Variants in MTHFD1 observed in about 807,000 individuals in gnomAD.
MTHFD1 encodes the protein C-1-tetrahydrofolate synthase, cytoplasmic.
In MTHFD1, 44 loss-of-function variants were observed where a neutral mutation model predicts 110.3. The ratio of observed to expected loss-of-function variants is 0.40; its 90% CI spans 0.31 to 0.51. The LOEUF (loss-of-function observed/expected upper bound fraction) is 0.51, where lower values mean the gene tolerates loss of function less well. Among genes scored for constraint, MTHFD1 ranks in the 20% least tolerant of loss-of-function variants. MTHFD1 has a pLI of 0.60. For synonymous variants in MTHFD1, 402 were observed against 428.8 expected (o/e 0.94, Z 0.77); for missense variants, 909 against 1,173.1 (o/e 0.77, Z 3.29).
intron 16 of MTHFD1, 67 bp from the exon 17 acceptor site, chr14:64,439,029 T>C: frequency 8.8e-7 from 1 of 1,137,300 alleles, no homozygotes; most frequent in Middle Eastern, 1.9e-4. Flanking sequence ...TTTAAAACTC[T>C]GCTGCTTCCT....
chr14:64,404,289 T>A (rs2140948242), intron 2 of MTHFD1, among the ~76,000 whole-genome samples: 1 of 152,330 alleles, frequency 6.6e-6, no homozygotes, highest in South Asian at 2.1e-4. Flanking sequence ...TTGCTTGTTG[T>A]TGCTCATCAC....
chr14:64,455,928 G>A (rs779613957), intron 26 of MTHFD1, among the ~76,000 whole-genome samples: 2 of 152,224 alleles, frequency 1.3e-5, no homozygotes, highest in Non-Finnish European at 2.9e-5. Flanking sequence ...AGAAGGCTTA[G>A]ACTTGCTATG....
At chr14:64,425,095 T>C (rs1245071893) in intron 9 of MTHFD1, among the ~76,000 whole-genome samples, 164 bp downstream of exon 9, 1 of 152,058 alleles carries the variant, frequency 6.6e-6, no homozygotes, top group Non-Finnish European at 1.5e-5. Context: ...GGCACATTAA[T>C]AGAGGAAAGT....
rs980873028 is a variant in MTHFD1 at position 64,441,540 on chromosome 14, C to T, written c.1884+87C>T. ...AAAGCACACTTGCAAGGCGCGGTGG[C>T]TCACACCTGTAATCCCAGCACTTTG... On this transcript the variant is annotated intron_variant, in intron 19 of 27. Transcript: ENST00000652337. The T allele has an allele frequency of 7.7e-5, 96 of 1,254,234 alleles. No individual in the cohort carries two copies. The African/African-American group carries it at 1.1e-3, about 15-fold the overall frequency. 77.7% of individuals were successfully genotyped at this position (1,254,234 alleles called of 1,614,324 possible).
intron 10 of MTHFD1, 51 bp downstream of exon 10, chr14:64,425,878 G>C (rs1311929352): frequency 6.3e-7 from 1 of 1,591,494 alleles, no homozygotes; most frequent in South Asian, 1.1e-5. Flanking sequence ...TTGGTTTTTA[G>C]TTGACAGATA....
At chr14:64,425,219 T>G (rs2078109627) in intron 9 of MTHFD1, among the ~76,000 whole-genome samples, 1 of 150,746 alleles carries the variant, frequency 6.6e-6, no homozygotes, top group Non-Finnish European at 1.5e-5. Flanking sequence ...TCTTTTTTTT[T>G]TTTTTTTTTT....
intron 16 of MTHFD1, among the ~76,000 whole-genome samples, chr14:64,436,215 C>G (rs1466287067): frequency 6.6e-6 from 1 of 152,104 alleles, no homozygotes; most frequent in East Asian, 1.9e-4. Flanking sequence ...CTGCCTCAGC[C>G]TCCCGAGTAA....
At chr14:64,410,521 C>G (rs545763751) in intron 2 of MTHFD1, among the ~76,000 whole-genome samples, 1 of 152,164 alleles carries the variant, frequency 6.6e-6, no homozygotes, top group Non-Finnish European at 1.5e-5. Flanking sequence ...TTGCTGCACC[C>G]GGCCTCCTCT....
chr14:64,427,288 G>A, intron 11 of MTHFD1, 49 bp from the exon 12 acceptor site: 1 of 1,604,698 alleles, frequency 6.2e-7, no homozygotes, highest in Middle Eastern at 2.0e-4. Flanking sequence ...TAGTGATTCA[G>A]ATACACTTAA....
At chr14:64,415,217 C>T in intron 4 of MTHFD1, 141 bp from the exon 5 acceptor site, 1 of 705,566 alleles carries the variant, frequency 1.4e-6, no homozygotes, top group Non-Finnish European at 2.5e-6. Context: ...TCTCAGGATT[C>T]AAGGGGAAGG....
At position 64,431,659 on chromosome 14, in the gene MTHFD1, T is replaced by C. The variant is rs1223793321; in HGVS notation, c.1419+20T>C. 9 of 1,608,312 alleles carry C rather than the reference T, an allele frequency of 5.6e-6. No homozygotes were observed. The highest frequency in any genetic ancestry group is 7.7e-6 in the Non-Finnish European group (9 of 1,174,776). ...GACAAGGTAGGATGCCAAAGCCCCA[T>C]GAACCCCATTGAACAGTTTTGAAAG... On this transcript the variant is annotated intron_variant, in intron 14 of 27. Transcript: ENST00000652337.
intron 2 of MTHFD1, among the ~76,000 whole-genome samples, chr14:64,404,955 T>A (rs2077925886): frequency 6.6e-6 from 1 of 151,664 alleles, no homozygotes; most frequent in East Asian, 1.9e-4. Flanking sequence ...TAAGACTCCG[T>A]CTCAATTTAA....
At chr14:64,415,848 T>C (rs2078021972) in intron 6 of MTHFD1, 109 bp downstream of exon 6, 1 of 1,092,924 alleles carries the variant, frequency 9.1e-7, no homozygotes, top group Admixed American at 2.0e-5. Flanking sequence ...ATGGACTTGA[T>C]TGGCAGAAGG....
Position 64,431,829 on chromosome 14 carries a change from A to C in MTHFD1, c.1462A>C (p.Arg488=), listed in dbSNP as rs144119558. 101 of 1,614,000 alleles carry C rather than the reference A, an allele frequency of 6.3e-5. No homozygotes were observed. The highest frequency in any genetic ancestry group is 8.1e-5 in the Non-Finnish European group (95 of 1,180,012). ...RLVPSVNGVR[R]FSDIQIRRLK... Reference sequence around the variant, plus strand: ...GGTGCCATCAGTAAATGGAGTGAGAAGGTTCTCTGACATCCAAATCCGAAG... The same window carrying C: ...GGTGCCATCAGTAAATGGAGTGAGACGGTTCTCTGACATCCAAATCCGAAG... Residue 488 remains arginine (R), a synonymous_variant, in exon 15 of 28, where the codon AGG becomes CGG. Transcript: ENST00000652337.
chr14:64,429,784 TTATCTC>T (rs2078144557), intron 12 of MTHFD1, among the ~76,000 whole-genome samples: 1 of 152,218 alleles, frequency 6.6e-6, no homozygotes, highest in Non-Finnish European at 1.5e-5. Flanking sequence ...CCTAATCTAT[TTATCTC>T]TATTTAGGAA....
chr14:64,395,934 A>G (rs1010523305), intron 1 of MTHFD1, among the ~76,000 whole-genome samples: 2 of 152,196 alleles, frequency 1.3e-5, no homozygotes, highest in African/African-American at 2.4e-5. Flanking sequence ...ATTTTACACT[A>G]TTCTGACTTA....
At chr14:64,407,385 C>T (rs766660327) in intron 2 of MTHFD1, among the ~76,000 whole-genome samples, 7 of 151,486 alleles carry the variant, frequency 4.6e-5, no homozygotes, top group African/African-American at 1.5e-4. Flanking sequence ...GGATTGCTCA[C>T]GCCTGGGAGG....
At chr14:64,438,864 T>C (rs2078226399) in intron 16 of MTHFD1, among the ~76,000 whole-genome samples, 1 of 152,226 alleles carries the variant, frequency 6.6e-6, no homozygotes, top group Non-Finnish European at 1.5e-5. Context: ...ATTCTCTAGA[T>C]GGGATAAAAC....
intron 15 of MTHFD1, 83 bp from the exon 16 acceptor site, chr14:64,435,486 G>A (rs1324422021): frequency 1.2e-6 from 1 of 845,640 alleles, no homozygotes; most frequent in East Asian, 2.4e-5. Flanking sequence ...ATCCCATTTA[G>A]AGGTAGGGGT....
Sources: allele counts gnomAD v4.1 joint callset (sites outside exome capture counted in the v4.1 genomes callset), GRCh38; gene constraint gnomAD v4.1.1; transcripts MANE v1.5; gene names NCBI Gene and HGNC (gene_info 2026-07-23, HGNC 2026-07-21).